The following CFAP97 variants were observed in gnomAD, a reference collection of about 807,000 sequenced individuals.
CFAP97 encodes cilia- and flagella-associated protein 97.
A neutral mutation model predicts 43.1 loss-of-function variants in CFAP97; 36 were observed. The observed-to-expected ratio is 0.84, with a 90% CI of 0.64 to 1.10. The LOEUF is 1.10. CFAP97 is among the 50% of genes least tolerant of loss of function. The probability of loss-of-function intolerance (pLI) is 0.00; values close to 1 mark genes in which losing one functional copy is unlikely to be tolerated. For missense variants in CFAP97, 657 were observed against 620.3 expected, an observed-to-expected ratio of 1.06 and a Z score of -0.63; for synonymous variants, 228 against 225.7, an observed-to-expected ratio of 1.01 and a Z score of -0.09.
chr4:185,184,486 A>G (rs189321921), intron 2 of CFAP97, among the ~76,000 whole-genome samples: 3 of 152,298 alleles, frequency 2.0e-5, no homozygotes, highest in South Asian at 4.1e-4. Flanking sequence ...CAAGAGTCAG[A>G]GAAGAGACAC....
intron 1 of CFAP97, among the ~76,000 whole-genome samples, chr4:185,196,705 T>C (rs1242965068): frequency 6.6e-6 from 1 of 152,146 alleles, no homozygotes; most frequent in East Asian, 1.9e-4. Context: ...TTGGGTGGTA[T>C]TAGACAGTGT....
intron 2 of CFAP97, among the ~76,000 whole-genome samples, chr4:185,179,563 G>C (rs1735700896): frequency 6.6e-6 from 1 of 152,150 alleles, no homozygotes. Flanking sequence ...CCCTATGGCT[G>C]AGACGTGAGG....
chr4:185,191,294 C>A, intron 1 of CFAP97, 82 bp from the exon 2 acceptor site: 1 of 996,214 alleles, frequency 1.0e-6, no homozygotes, highest in South Asian at 2.3e-5. Context: ...ATAATTTTCC[C>A]AAACTGACAA....
At chr4:185,197,488 C>T (rs1401582213) in intron 1 of CFAP97, among the ~76,000 whole-genome samples, 1 of 151,498 alleles carries the variant, frequency 6.6e-6, no homozygotes, top group Admixed American at 6.6e-5. Context: ...CGCAGTGGCG[C>T]GTGATCTCGG....
At chr4:185,203,236 T>C (rs995807206) in intron 1 of CFAP97, among the ~76,000 whole-genome samples, 1 of 152,176 alleles carries the variant, frequency 6.6e-6, no homozygotes, top group African/African-American at 2.4e-5. Flanking sequence ...CAGGTAAGTT[T>C]TTATCAAAGC....
At chr4:185,202,445 A>C (rs1390211905) in intron 1 of CFAP97, among the ~76,000 whole-genome samples, 1 of 152,098 alleles carries the variant, frequency 6.6e-6, no homozygotes, top group East Asian at 1.9e-4. Flanking sequence ...GCTACTCCGG[A>C]GGCTGAGGTG....
At position 185,175,865 on chromosome 4, in the gene CFAP97, G is replaced by C. The variant is rs764958265; in HGVS notation, c.1241C>G (p.Ser414Trp). ...KPGSKSTIPR[S>W]ADHPPKLYHS... ...ATATAACTTTGGGGGATGATCAGCC[G>C]ATCTAGGAATTGTACTTTTGCTTCC... The change falls in exon 3 of 5, where the codon TCG becomes TGG. Residue 414 changes from serine to tryptophan, a missense_variant. Coordinates refer to ENST00000458385, the MANE Select transcript of CFAP97 (RefSeq NM_020827.3). The C allele has an allele frequency of 6.2e-7, 1 of 1,613,696 alleles. No homozygotes were observed. The highest frequency in any genetic ancestry group is 1.3e-5 in the African/African-American group (1 of 74,884).
chr4:185,197,510 C>G (rs1423244442), intron 1 of CFAP97, among the ~76,000 whole-genome samples: 2 of 152,096 alleles, frequency 1.3e-5, no homozygotes, highest in African/African-American at 4.8e-5. Flanking sequence ...TCACCGCAAC[C>G]TCAGACTCCC....
rs2111305883 is a variant in CFAP97 at position 185,162,664 on chromosome 4, ATACAT to A, written c.*129_*133del. 1.1e-6 allele frequency: 1 copy of A among 939,742 alleles called. No individual in the cohort carries two copies. Among genetic ancestry groups the A allele is most frequent in the East Asian group, 2.7e-5 (1 of 36,680 alleles). The allele number at this position is 939,742 out of a possible 1,614,324, so 58.2% of individuals were successfully genotyped here. ...GACAATAATTTTGCACTGAATAACA[ATACAT>A]TACAACTCACTGTTGTACACCTTCA... On this transcript the variant is annotated 3_prime_UTR_variant, in exon 5 of 5. Coordinates refer to ENST00000458385, the MANE Select transcript of CFAP97 (RefSeq NM_020827.3).
rs1335704558 is a variant in CFAP97, at chr4:185,191,131, T to C, written c.66A>G (p.Glu22=). 4.3e-6 allele frequency: 7 copies of C among 1,610,292 alleles called. No individual in the cohort carries two copies. In the South Asian group the frequency reaches 5.5e-5, roughly 13 times the overall value. The part of the protein sequence containing the change: ...VDHSFFDSDF[E]EGKKCETNSV... ...AGTTAGTTTCACATTTCTTTCCTTC[T>C]TCAAAGTCACTGTCAAAGAAAGAAT... The change falls in exon 2 of 5, where the codon GAA becomes GAG. Residue 22 remains glutamate, a synonymous_variant. Transcript: ENST00000458385.
At chr4:185,179,088 C>A (rs1388746629) in intron 2 of CFAP97, among the ~76,000 whole-genome samples, 1 of 151,740 alleles carries the variant, frequency 6.6e-6, no homozygotes, top group African/African-American at 2.4e-5. Context: ...AAAAGTAAAA[C>A]TGCTCCTCAT....
At chr4:185,171,174 T>C (rs1204208481) in intron 3 of CFAP97, among the ~76,000 whole-genome samples, 1 of 152,070 alleles carries the variant, frequency 6.6e-6, no homozygotes, top group Non-Finnish European at 1.5e-5. Context: ...AGATGGGCTA[T>C]TGTCTATTTA....
upstream of CFAP97, chr4:185,204,099 A>G (rs1194671235): frequency 6.6e-6 from 1 of 151,096 alleles, no homozygotes; most frequent in Non-Finnish European, 1.5e-5. Flanking sequence ...GGCGTCACAG[A>G]GCGCGGCGGG....
intron 3 of CFAP97, chr4:185,169,244 C>A (rs1257335534): frequency 6.6e-6 from 1 of 152,160 alleles, no homozygotes; most frequent in Non-Finnish European, 1.5e-5. Context: ...AATCTCATCT[C>A]GAATTGTAAT....
chr4:185,189,100 G>A (rs753324917), intron 2 of CFAP97, among the ~76,000 whole-genome samples: 2 of 152,106 alleles, frequency 1.3e-5, no homozygotes, highest in Non-Finnish European at 2.9e-5. Context: ...AGCCAGGTGT[G>A]GTGGGGCATG....
intron 1 of CFAP97, among the ~76,000 whole-genome samples, chr4:185,194,958 G>C (rs1343277316): frequency 6.6e-6 from 1 of 152,124 alleles, no homozygotes; most frequent in Non-Finnish European, 1.5e-5. Context: ...AATGGAGTCA[G>C]ACACACCCAG....
chr4:185,175,618 C>T (rs6552871), intron 3 of CFAP97, among the ~76,000 whole-genome samples, 168 bp downstream of exon 3: 75,961 of 151,990 alleles, frequency 0.5, 19,250 homozygotes, highest in African/African-American at 0.59. Flanking sequence ...AAATACATAT[C>T]GTATCCTCCG....
chr4:185,209,560 G>A (rs1048119046), upstream of CFAP97: 1 of 226,946 alleles, frequency 4.4e-6, no homozygotes, highest in Non-Finnish European at 7.3e-6. This position sits in a 1 kb window ranked among gnomAD's most constrained non-coding sequence, Gnocchi z 5.2. Flanking sequence ...GCACTTCAGG[G>A]CGGCCCCGCC....
chr4:185,195,003 C>T (rs374009446), intron 1 of CFAP97, among the ~76,000 whole-genome samples: 2 of 152,092 alleles, frequency 1.3e-5, no homozygotes, highest in Admixed American at 6.5e-5. Context: ...CCCAGTTGTG[C>T]GATCCTGGGC....
Sources: allele counts gnomAD v4.1 joint callset (sites outside exome capture counted in the v4.1 genomes callset), GRCh38; gene constraint gnomAD v4.1.1; non-coding constraint Gnocchi (gnomAD v3.1); transcripts MANE v1.5; gene names NCBI Gene and HGNC (gene_info 2026-07-23, HGNC 2026-07-21).